The following ZBTB43 variants were observed in gnomAD, a reference collection of about 807,000 sequenced individuals.
The protein encoded by ZBTB43 is zinc finger and BTB domain-containing protein 43.
Under a neutral mutation model 31.1 loss-of-function variants are expected in ZBTB43, and 6 were observed. The observed-to-expected ratio is 0.19, with a 90% CI of 0.11 to 0.38. The LOEUF is 0.38. ZBTB43 is among the 10% of genes least tolerant of loss of function. The pLI is 1.00. For synonymous variants in ZBTB43, 212 were observed against 221.7 expected, an observed-to-expected ratio of 0.96 and a Z score of 0.39; for missense variants, 379 against 602.1, an observed-to-expected ratio of 0.63 and a Z score of 3.88.
intron 2 of ZBTB43, among the ~76,000 whole-genome samples, chr9:126,820,258 A>G (rs2032480915): frequency 6.6e-6 from 1 of 152,218 alleles, no homozygotes; most frequent in African/African-American, 2.4e-5. Flanking sequence ...ATAGCTAGAG[A>G]GGAGAAGACA....
chr9:126,810,576 C>T (rs912359645), intron 2 of ZBTB43, among the ~76,000 whole-genome samples: 7 of 144,784 alleles, frequency 4.8e-5, no homozygotes, highest in Non-Finnish European at 1.1e-4. Context: ...TCTTGGCTCA[C>T]TGCGACCTCT....
intron 2 of ZBTB43, among the ~76,000 whole-genome samples, chr9:126,811,422 A>C (rs184557302): frequency 2.7e-4 from 41 of 152,224 alleles, no homozygotes; most frequent in Admixed American, 1.1e-3. Context: ...GTTGCTGTGA[A>C]GATTAAGTGA....
At chr9:126,806,860 CTACT>C (rs540837326) in intron 1 of ZBTB43, among the ~76,000 whole-genome samples, 32 of 152,268 alleles carry the variant, frequency 2.1e-4, no homozygotes, top group African/African-American at 7.5e-4. Context: ...CTCAGGCTTT[CTACT>C]TACTTTCTGC....
intron 1 of ZBTB43, among the ~76,000 whole-genome samples, chr9:126,805,346 G>A (rs2032099921): frequency 6.6e-6 from 1 of 152,348 alleles, no homozygotes; most frequent in South Asian, 2.1e-4. Context: ...CGCAGACCGC[G>A]ATACCGAGGC....
At chr9:126,806,876 C>T (rs1159789515) in intron 1 of ZBTB43, among the ~76,000 whole-genome samples, 1 of 152,164 alleles carries the variant, frequency 6.6e-6, no homozygotes, top group African/African-American at 2.4e-5. Context: ...ACTTTCTGCC[C>T]TGGCTCTCCT....
At chr9:126,826,269 C>T (rs2032633544) in intron 2 of ZBTB43, among the ~76,000 whole-genome samples, 1 of 151,628 alleles carries the variant, frequency 6.6e-6, no homozygotes, top group African/African-American at 2.4e-5. Context: ...ATCTCGGCCT[C>T]CCAAAGTGCT....
At chr9:126,832,397 A>G (rs925303788) in intron 2 of ZBTB43, 90 bp from the exon 3 acceptor site, 2 of 1,272,912 alleles carry the variant, frequency 1.6e-6, no homozygotes, top group Non-Finnish European at 2.1e-6. Flanking sequence ...GACTTTGTGG[A>G]ACTTTGGAAC....
chr9:126,832,505 A>G lies in ZBTB43; in HGVS notation c.-5A>G. On this transcript the variant is annotated 5_prime_UTR_variant, in exon 3 of 3. It removes an upstream start codon present in the reference 5' UTR. Transcript: ENST00000373464. ...CTTGTAGCACCGAACAAGATTTGTG[A>G]TGAAATGGAGCCTGGAACAAACTCT... 4 of 1,596,868 alleles carry G rather than the reference A, an allele frequency of 2.5e-6. No homozygotes were observed. The highest frequency in any genetic ancestry group is 3.4e-6 in the Non-Finnish European group (4 of 1,168,554).
At position 126,833,100 on chromosome 9, in the gene ZBTB43, C is replaced by T. The variant is rs774799872; in HGVS notation, c.591C>T (p.Ser197=). 1 of 1,614,126 alleles carries T rather than the reference C, an allele frequency of 6.2e-7. No homozygotes were observed. The highest frequency in any genetic ancestry group is 8.5e-7 in the Non-Finnish European group (1 of 1,180,034). The change falls in exon 3 of 3, where the codon AGC becomes AGT. Residue 197 remains serine, a synonymous_variant. Coordinates refer to ENST00000373464, the MANE Select transcript of ZBTB43 (RefSeq NM_014007.4). This position sits in a 1 kb window ranked among gnomAD's most constrained non-coding sequence, Gnocchi z 7.9. ...SQLTEHEYLP[S]NSSTEHDRLS... ...TCACCGAGCACGAATACCTGCCCAG[C>T]AACTCGTCCACAGAGCATGACCGCC...
In ZBTB43 at chr9:126,836,971, GCGCACAC is replaced by G. The variant is rs1244397134; in HGVS notation, c.*3060_*3066del. The stretch of plus-strand genomic sequence containing the variant: ...ATACAAAAATTAGCCAGGCGTGGTG[GCGCACAC>G]CTGTAATCCCAGCTACTCGGGAGGC... On this transcript the variant is annotated 3_prime_UTR_variant, in exon 3 of 3. Transcript: ENST00000373464. 1.3e-5 allele frequency: 2 copies of G among 152,734 alleles called. No homozygotes were observed. The highest frequency in any genetic ancestry group is 2.9e-5 in the Non-Finnish European group (2 of 68,076). 9.5% of individuals were successfully genotyped at this position (152,734 alleles called of 1,614,324 possible).
rs1217961714 is a variant in ZBTB43 at position 126,833,376 on chromosome 9, G to A, written c.867G>A (p.Glu289=). The part of the protein sequence containing the change: ...EHTVQPSGVE[E]DFHIGEKKVE... ...CGGTGCAGCCTTCGGGAGTGGAGGA[G>A]GACTTCCACATCGGGGAGAAGAAAG... Residue 289 remains glutamate (E), a synonymous_variant, in exon 3 of 3, where the codon GAG becomes GAA. Coordinates refer to ENST00000373464, the MANE Select transcript of ZBTB43 (RefSeq NM_014007.4). The surrounding 1 kb of genome is among the most constrained non-coding windows in gnomAD (Gnocchi z 7.9). 2.5e-6 allele frequency: 4 copies of A among 1,613,638 alleles called. No homozygotes were observed. In the East Asian group the frequency reaches 8.9e-5, roughly 36 times the overall value.
rs1449518048 is a variant in ZBTB43 at position 126,835,546 on chromosome 9, A to T, written c.*1633A>T. The T allele has an allele frequency of 6.0e-6, 1 of 167,024 alleles. No individual in the cohort carries two copies. Among genetic ancestry groups the T allele is most frequent in the Non-Finnish European group, 1.5e-5 (1 of 68,116 alleles). 10.3% of individuals were successfully genotyped at this position (167,024 alleles called of 1,614,324 possible). On this transcript the variant is annotated 3_prime_UTR_variant, in exon 3 of 3. Transcript: ENST00000373464. ...TTGCTGGCAATGGCCTCTGATTCTCAAGCTCCTAACACCAGGGTGTTTACT... is the reference window on the plus strand; with the variant it reads ...TTGCTGGCAATGGCCTCTGATTCTCTAGCTCCTAACACCAGGGTGTTTACT...
intron 2 of ZBTB43, among the ~76,000 whole-genome samples, chr9:126,819,139 A>T (rs542681532): frequency 2.6e-5 from 4 of 152,304 alleles, no homozygotes. Flanking sequence ...TTGTATTTTT[A>T]AAAAGACTCA....
In ZBTB43 at chr9:126,817,481, T is replaced by C. The variant is rs112048418; in HGVS notation, c.-24+8566T>C. Among the ~76,000 whole-genome samples, 1,251 of 149,818 alleles carry C rather than the reference T, an allele frequency of 8.4e-3. 18 individuals are homozygous for C. Among genetic ancestry groups the C allele is most frequent in the African/African-American group, 0.029 (1,193 of 40,452 alleles). ...TTGAATATAATGTTCCATGAAGTTT[T>C]TTTTTTTTTTTTGAGACGGAGTCTC... On this transcript the variant is annotated intron_variant, in intron 2 of 2. Transcript: ENST00000373464.
intron 2 of ZBTB43, among the ~76,000 whole-genome samples, chr9:126,828,652 A>AT (rs201489895): frequency 0.041 from 5,675 of 139,754 alleles, 129 homozygotes; most frequent in Non-Finnish European, 0.052. Flanking sequence ...AATAATAATA[A>AT]TAATTATTAT....
At chr9:126,810,353 C>G (rs1200501454) in intron 2 of ZBTB43, among the ~76,000 whole-genome samples, 1 of 151,900 alleles carries the variant, frequency 6.6e-6, no homozygotes, top group Non-Finnish European at 1.5e-5. Context: ...TGTCAGCATG[C>G]CCAGCTAATT....
intron 2 of ZBTB43, among the ~76,000 whole-genome samples, chr9:126,827,336 G>A (rs1371228848): frequency 6.6e-6 from 1 of 152,190 alleles, no homozygotes; most frequent in Non-Finnish European, 1.5e-5. Context: ...TGCCAGACTG[G>A]CCAAAACGCA....
intron 2 of ZBTB43, among the ~76,000 whole-genome samples, chr9:126,820,080 C>T (rs541734180): frequency 3.3e-5 from 5 of 152,226 alleles, no homozygotes; most frequent in Non-Finnish European, 5.9e-5. Flanking sequence ...GAAGTGTCTC[C>T]GTAATGTAAA....
rs577341336 is a variant in ZBTB43, at chr9:126,838,080, A to G, written c.*4167A>G. On this transcript the variant is annotated 3_prime_UTR_variant, in exon 3 of 3. Transcript: ENST00000373464. ...AAGTTGAATAGTTTTGTCTTTATAT[A>G]TTGCTGTCTTCAGTGTACAGCATGG... 1.2e-5 allele frequency: 2 copies of G among 167,004 alleles called. No homozygotes were observed. The highest frequency in any genetic ancestry group is 2.9e-5 in the Non-Finnish European group (2 of 68,086). 10.3% of individuals were successfully genotyped at this position (167,004 alleles called of 1,614,324 possible).
Sources: gnomAD v4.1 joint callset for allele counts (sites outside exome capture counted in the v4.1 genomes callset) on GRCh38, gnomAD v4.1.1 for gene constraint, Gnocchi (gnomAD v3.1) non-coding constraint, MANE v1.5 for transcripts, NCBI Gene and HGNC (gene_info 2026-07-23, HGNC 2026-07-21) for gene names.